METTL14: variants seen among roughly 807,000 people sequenced by gnomAD.
METTL14 encodes methyltransferase 14, N6-adenosine-methyltransferase non-catalytic subunit.
A neutral mutation model predicts 62.4 loss-of-function variants in METTL14; 32 were observed. The ratio of observed to expected loss-of-function variants is 0.51; its 90% CI spans 0.39 to 0.69. METTL14 has a LOEUF of 0.69. Ranked by LOEUF, METTL14 falls within the 30% of genes least tolerant of loss-of-function variation. The pLI is 0.00. For missense variants in METTL14, 340 were observed against 551.9 expected (o/e 0.62, Z 3.85); for synonymous variants, 150 against 180.0 (o/e 0.83, Z 1.34).
chr4:118,693,483 G>GAT (rs548655682), intron 5 of METTL14, among the ~76,000 whole-genome samples: 113 of 152,234 alleles, frequency 7.4e-4, no homozygotes, highest in Non-Finnish European at 1.3e-3. Flanking sequence ...TGACTTTCTT[G>GAT]ATAGTATATT....
In METTL14 at chr4:118,704,065, T is replaced by C. The variant is rs1375845239; in HGVS notation, c.855+14T>C. ...CAGAGAACAAAGGTATTGCCTTTAC[T>C]GATTTGTTTTTTTTAATTTTTGTGA... On this transcript the variant is annotated intron_variant, in intron 9 of 10. Transcript: ENST00000388822. 4 of 1,470,106 alleles carry C rather than the reference T, an allele frequency of 2.7e-6. No homozygotes were observed. In the African/African-American group the frequency reaches 4.3e-5, roughly 16 times the overall value. 91.1% of individuals were successfully genotyped at this position (1,470,106 alleles called of 1,614,324 possible). A position where few individuals can be genotyped will look rare whatever the true frequency, so the allele number is the denominator to read the frequency against.
intron 10 of METTL14, among the ~76,000 whole-genome samples, chr4:118,707,304 A>C (rs908201945): frequency 1.8e-4 from 27 of 152,176 alleles, no homozygotes; most frequent in African/African-American, 6.3e-4. Flanking sequence ...TGATGGATCA[A>C]AGTGTAGATG....
chr4:118,686,825 G>A lies in METTL14; in HGVS notation c.67-1098G>A, dbSNP rs1451674672. ...GTTTAGTGTTTTACACTCAGCAGAT[G>A]CCAGGGGCTCTACCTTTTAAAGTCT... is the stretch of plus-strand genomic sequence containing the variant. On this transcript the variant is annotated intron_variant, in intron 1 of 10. Coordinates refer to ENST00000388822, the MANE Select transcript of METTL14 (RefSeq NM_020961.4). The A allele has an allele frequency of 8.5e-5, 26 of 305,030 alleles. No homozygotes were observed. In the Admixed American group the frequency reaches 1.1e-3, roughly 13 times the overall value. 18.9% of individuals were successfully genotyped at this position (305,030 alleles called of 1,614,324 possible).
chr4:118,707,838 ATT>A (rs752501219), intron 10 of METTL14, among the ~76,000 whole-genome samples: 15 of 141,806 alleles, frequency 1.1e-4, no homozygotes, highest in Non-Finnish European at 4.6e-5. Context: ...AAGCCAGACA[ATT>A]TTTTTTTTTT....
intron 7 of METTL14, among the ~76,000 whole-genome samples, chr4:118,700,207 C>G (rs1724547208): frequency 6.6e-6 from 1 of 152,012 alleles, no homozygotes; most frequent in African/African-American, 2.4e-5. Flanking sequence ...GTGCTTCATT[C>G]TTTTTCAGTA....
At chr4:118,706,831 T>C (rs914728178) in intron 10 of METTL14, among the ~76,000 whole-genome samples, 6 of 152,342 alleles carry the variant, frequency 3.9e-5, no homozygotes, top group African/African-American at 1.2e-4. Flanking sequence ...TGATGACATA[T>C]GATGTAGAAC....
At chr4:118,688,052 G>T (rs747385764) in intron 2 of METTL14, 41 bp downstream of exon 2, 2 of 1,459,156 alleles carry the variant, frequency 1.4e-6, no homozygotes, top group South Asian at 2.3e-5. Context: ...TTTGAGACAG[G>T]GTTTCACTCT....
At chr4:118,706,436 T>A (rs1024229416) in intron 10 of METTL14, among the ~76,000 whole-genome samples, 1 of 152,244 alleles carries the variant, frequency 6.6e-6, no homozygotes, top group Non-Finnish European at 1.5e-5. Flanking sequence ...GTCATTTCTT[T>A]TTAGTGCCGA....
intron 10 of METTL14, among the ~76,000 whole-genome samples, chr4:118,706,304 A>T (rs945590685): frequency 6.6e-6 from 1 of 152,208 alleles, no homozygotes; most frequent in African/African-American, 2.4e-5. Flanking sequence ...CTGTCTCCGT[A>T]ATTTGCCTTT....
chr4:118,695,422 G>T (rs746852776), intron 6 of METTL14, among the ~76,000 whole-genome samples: 3 of 151,902 alleles, frequency 2.0e-5, no homozygotes, highest in Non-Finnish European at 2.9e-5. Context: ...GGTGGTGCAC[G>T]CCTGTAATCC....
At chr4:118,685,993 T>A (rs1724043796) in intron 1 of METTL14, among the ~76,000 whole-genome samples, 1 of 152,246 alleles carries the variant, frequency 6.6e-6, no homozygotes, top group African/African-American at 2.4e-5. Flanking sequence ...GTGGTTTCAT[T>A]ATGAAATACG....
chr4:118,700,736 T>C (rs948335596), intron 8 of METTL14, 94 bp downstream of exon 8: 51 of 806,636 alleles, frequency 6.3e-5, no homozygotes, highest in Non-Finnish European at 9.8e-5. Flanking sequence ...GATGTTATTT[T>C]GTCCTTTGTT....
intron 1 of METTL14, among the ~76,000 whole-genome samples, chr4:118,686,093 C>T (rs1282758874): frequency 6.6e-6 from 1 of 152,224 alleles, no homozygotes; most frequent in African/African-American, 2.4e-5. Flanking sequence ...TATAGAGTAT[C>T]CTTGTCACAT....
intron 7 of METTL14, among the ~76,000 whole-genome samples, 175 bp from the exon 8 acceptor site, chr4:118,700,374 CA>C (rs1560881690): frequency 6.6e-6 from 1 of 152,006 alleles, no homozygotes. Flanking sequence ...TATAAAGTAA[CA>C]AAACAATAGA....
rs183888199 is a variant in METTL14, at chr4:118,712,291, T to C, written c.*1989T>C. Reference sequence around the variant, plus strand: ...TCTGACCTCTTCTAATTTTTGGTCTTCTTTATATTTACATGTCTTACATTC... The same window carrying C: ...TCTGACCTCTTCTAATTTTTGGTCTCCTTTATATTTACATGTCTTACATTC... On this transcript the variant is annotated 3_prime_UTR_variant, in exon 11 of 11. Coordinates refer to ENST00000388822, the MANE Select transcript of METTL14 (RefSeq NM_020961.4). 3.3e-5 allele frequency: 5 copies of C among 152,302 alleles called. No homozygotes were observed. Among genetic ancestry groups the C allele is most frequent in the Non-Finnish European group, 7.4e-5 (5 of 68,024 alleles). 9.4% of individuals were successfully genotyped at this position (152,302 alleles called of 1,614,324 possible). A position where few individuals can be genotyped will look rare whatever the true frequency, so the allele number is the denominator to read the frequency against.
chr4:118,696,365 C>T (rs182534692), intron 6 of METTL14, among the ~76,000 whole-genome samples: 2 of 151,936 alleles, frequency 1.3e-5, no homozygotes, highest in African/African-American at 4.8e-5. Context: ...ACGCTGGCCT[C>T]CCAAAGTGTT....
intron 9 of METTL14, 119 bp from the exon 10 acceptor site, chr4:118,705,492 T>C: frequency 1.2e-6 from 1 of 828,632 alleles, no homozygotes; most frequent in Non-Finnish European, 2.0e-6. Flanking sequence ...GAGAAATAAC[T>C]GTATCCCAAA....
chr4:118,709,790 A>G (rs1481970217), intron 10 of METTL14, among the ~76,000 whole-genome samples: 1 of 152,212 alleles, frequency 6.6e-6, no homozygotes, highest in Non-Finnish European at 1.5e-5. Flanking sequence ...ATATTACAAA[A>G]GTTACAATCT....
intron 3 of METTL14, among the ~76,000 whole-genome samples, chr4:118,690,539 G>C (rs569322050): frequency 2.0e-5 from 3 of 152,090 alleles, no homozygotes; most frequent in African/African-American, 7.2e-5. Flanking sequence ...AATTAGCTGG[G>C]CATGGTGGCA....
Sources: gnomAD v4.1 joint callset for allele counts (sites outside exome capture counted in the v4.1 genomes callset) on GRCh38, gnomAD v4.1.1 for gene constraint, MANE v1.5 for transcripts, NCBI Gene and HGNC (gene_info 2026-07-23, HGNC 2026-07-21) for gene names.